The following KIAA1217 variants were observed in gnomAD, a reference collection of about 807,000 sequenced individuals.
The protein encoded by KIAA1217 is sickle tail protein homolog.
A neutral mutation model predicts 163.9 loss-of-function variants in KIAA1217; 88 were observed. The observed-to-expected ratio is 0.54, with a 90% CI of 0.45 to 0.64. KIAA1217 has a LOEUF of 0.64. Among genes scored for constraint, KIAA1217 ranks in the 30% least tolerant of loss-of-function variants. The pLI is 0.00. For synonymous variants in KIAA1217, 903 were observed against 923.1 expected, an observed-to-expected ratio of 0.98 and a Z score of 0.39; for missense variants, 2,372 against 2,475.0, an observed-to-expected ratio of 0.96 and a Z score of 0.88.
At chr10:24,093,157 T>G (rs1256334820) in intron 2 of KIAA1217, among the ~76,000 whole-genome samples, 1 of 150,190 alleles carries the variant, frequency 6.7e-6, no homozygotes, top group Non-Finnish European at 1.5e-5. Flanking sequence ...CCATGCCCAG[T>G]TATTTTTATT....
intron 10 of KIAA1217, among the ~76,000 whole-genome samples, chr10:24,519,135 G>A (rs1471481550): frequency 1.3e-5 from 2 of 152,152 alleles, no homozygotes; most frequent in Non-Finnish European, 2.9e-5. Flanking sequence ...TCTTTCGGAC[G>A]CTGGCTCCAC....
At chr10:23,878,543 C>G (rs1057505986) in intron 1 of KIAA1217, among the ~76,000 whole-genome samples, 6 of 151,758 alleles carry the variant, frequency 4.0e-5, no homozygotes, top group African/African-American at 1.5e-4. Flanking sequence ...AGAATAAATA[C>G]ACAAATAAGT....
intron 2 of KIAA1217, among the ~76,000 whole-genome samples, chr10:24,157,214 A>G (rs756957814): frequency 1.3e-5 from 2 of 152,248 alleles, no homozygotes; most frequent in African/African-American, 4.8e-5. Context: ...TCTAAGAACT[A>G]CAGTCTCATT....
chr10:24,272,592 T>TA (rs2076878374), intron 2 of KIAA1217, among the ~76,000 whole-genome samples: 1 of 152,230 alleles, frequency 6.6e-6, no homozygotes, highest in Non-Finnish European at 1.5e-5. Context: ...AAACTCAATG[T>TA]ACATAACTCG....
rs767170326 is a variant in KIAA1217 at position 24,219,913 on chromosome 10, C to G, written c.354+4C>G. ...CCAAGAGAGGCTGAGAGACCAGGTA[C>G]GAATATGCTCTCATTTCTCCTTGTG... On this transcript the variant is annotated splice_donor_region_variant and intron_variant, in intron 2 of 20. Coordinates refer to ENST00000376454, the MANE Select transcript of KIAA1217 (RefSeq NM_019590.5). 1.9e-6 allele frequency: 3 copies of G among 1,579,616 alleles called. No homozygotes were observed. Among genetic ancestry groups the G allele is most frequent in the Non-Finnish European group, 2.6e-6 (3 of 1,164,390 alleles).
intron 2 of KIAA1217, among the ~76,000 whole-genome samples, chr10:24,121,039 G>A (rs577208341): frequency 1.3e-3 from 191 of 152,272 alleles, no homozygotes; most frequent in African/African-American, 4.1e-3. Context: ...CAATGGACAG[G>A]GGAGGAAAAA....
At chr10:23,699,714 T>C (rs1003792844) in intron 1 of KIAA1217, among the ~76,000 whole-genome samples, 2 of 152,162 alleles carry the variant, frequency 1.3e-5, no homozygotes, top group Non-Finnish European at 2.9e-5. Context: ...AGCCTCGAAC[T>C]CTTGGGCTCA....
At chr10:24,364,728 A>G (rs889727703) in intron 2 of KIAA1217, among the ~76,000 whole-genome samples, 32 of 152,088 alleles carry the variant, frequency 2.1e-4, no homozygotes, top group African/African-American at 7.5e-4. Flanking sequence ...GCTTTGAGCA[A>G]TTGTGTGTTT....
Position 24,386,734 on chromosome 10 carries a change from C to T in KIAA1217, c.553+5667C>T, listed in dbSNP as rs547965595. Reference sequence around the variant, plus strand: ...GACTACAAGTGCACACCACCATGCCCAGCTAATTTTTCTGTTTTTATTTTT... The same window carrying T: ...GACTACAAGTGCACACCACCATGCCTAGCTAATTTTTCTGTTTTTATTTTT... On this transcript the variant is annotated intron_variant, in intron 3 of 20. Coordinates refer to ENST00000376454, the MANE Select transcript of KIAA1217 (RefSeq NM_019590.5). Among the ~76,000 whole-genome samples, 8 of 152,140 alleles carry T rather than the reference C, an allele frequency of 5.3e-5. No individual in the cohort carries two copies. The East Asian group carries it at 1.5e-3, about 29-fold the overall frequency.
At chr10:23,742,542 A>G (rs939530610) in intron 1 of KIAA1217, among the ~76,000 whole-genome samples, 1 of 152,204 alleles carries the variant, frequency 6.6e-6, no homozygotes, top group Non-Finnish European at 1.5e-5. Context: ...AGAAGCAGGC[A>G]CATCACATGG....
At chr10:23,833,342 G>C (rs906644094) in intron 1 of KIAA1217, among the ~76,000 whole-genome samples, 5 of 152,024 alleles carry the variant, frequency 3.3e-5, no homozygotes, top group African/African-American at 1.2e-4. Flanking sequence ...AGTCAGCAGA[G>C]TGTGACTGTG....
chr10:23,833,082 CT>C (rs1229552842), intron 1 of KIAA1217, among the ~76,000 whole-genome samples: 5 of 152,082 alleles, frequency 3.3e-5, no homozygotes, highest in African/African-American at 1.2e-4. Flanking sequence ...ATACTTAAAT[CT>C]ATTTTTCTTA....
At chr10:24,503,002 A>ATGTATCCAGG (rs1381243126) in intron 9 of KIAA1217, among the ~76,000 whole-genome samples, 1 of 152,042 alleles carries the variant, frequency 6.6e-6, no homozygotes, top group Non-Finnish European at 1.5e-5. Flanking sequence ...AACAAGATAA[A>ATGTATCCAGG]TGTATCCAGG....
In KIAA1217 at chr10:24,473,571, AC is replaced by A. The variant is rs1564747549; in HGVS notation, c.1192del (p.Leu398PhefsTer7). ...AATGAGGGTTTCTATGCTGATCCTT[AC>A]CTTTATCACGAGGGACGGATGAGCA... is the stretch of plus-strand genomic sequence containing the variant. ...YRNEGFYADP[Y>X]LYHEGRMSIA... On this transcript the variant is annotated frameshift_variant, in exon 6 of 21. Coordinates refer to ENST00000376454, the MANE Select transcript of KIAA1217 (RefSeq NM_019590.5). LOFTEE classifies it high-confidence loss of function. 1 of 1,614,114 alleles carries A rather than the reference AC, an allele frequency of 6.2e-7. No individual in the cohort carries two copies.
chr10:24,396,372 A>G (rs2130934551), intron 3 of KIAA1217, among the ~76,000 whole-genome samples: 1 of 152,230 alleles, frequency 6.6e-6, no homozygotes, highest in East Asian at 1.9e-4. Flanking sequence ...ATGCTCACCA[A>G]GTATCTACCA....
chr10:24,064,667 G>T (rs2060866897), intron 2 of KIAA1217, among the ~76,000 whole-genome samples: 1 of 152,168 alleles, frequency 6.6e-6, no homozygotes, highest in Admixed American at 6.6e-5. Context: ...AAATGAGTTA[G>T]GGAAGATTCC....
At chr10:24,267,816 G>A (rs1025707923) in intron 2 of KIAA1217, among the ~76,000 whole-genome samples, 1 of 152,194 alleles carries the variant, frequency 6.6e-6, no homozygotes, top group African/African-American at 2.4e-5. Flanking sequence ...AGTTGGCCTA[G>A]AAACAACTGC....
intron 1 of KIAA1217, among the ~76,000 whole-genome samples, chr10:23,704,182 A>ATATATATATATATATATT (rs1836718291): frequency 4.1e-5 from 4 of 97,274 alleles, no homozygotes; most frequent in Middle Eastern, 4.9e-3. Context: ...GTATATATAT[A>ATATATATATATATATATT]TATATATATA....
rs1239299502 is a variant in KIAA1217, at chr10:23,824,645, AAAAAAT to A, written c.-321+129417_-321+129422del. ...CTCTGTCTCAAGAAAAAAAAAAAAA[AAAAAAT>A]AAAAAAAATATATATATATATATAT... is the stretch of plus-strand genomic sequence containing the variant. On this transcript the variant is annotated intron_variant, in intron 1 of 18. Coordinates refer to the KIAA1217 transcript ENST00000376462. 1.8e-3 allele frequency among the ~76,000 whole-genome samples: 177 copies of A among 95,718 alleles called. 1 individual carries two copies. Among genetic ancestry groups the A allele is most frequent in the Admixed American group, 2.8e-3 (24 of 8,546 alleles). 62.8% of individuals were successfully genotyped at this position (95,718 alleles called of 152,430 possible).
Sources: allele counts gnomAD v4.1 joint callset (sites outside exome capture counted in the v4.1 genomes callset), GRCh38; gene constraint gnomAD v4.1.1; transcripts MANE v1.5; gene names NCBI Gene and HGNC (gene_info 2026-07-23, HGNC 2026-07-21).